The following NPEPL1 variants were observed in gnomAD, a reference collection of about 807,000 sequenced individuals.
The protein encoded by NPEPL1 is probable aminopeptidase NPEPL1.
In NPEPL1, 45 loss-of-function variants were observed where a neutral mutation model predicts 52.4. That is an observed-to-expected ratio of 0.86 (90% confidence interval 0.68 to 1.10). NPEPL1 has a LOEUF of 1.10. NPEPL1 is among the 50% of genes least tolerant of loss of function. NPEPL1 has a pLI of 0.00. For synonymous variants in NPEPL1, 360 were observed against 314.7 expected (o/e 1.14, Z -1.52); for missense variants, 696 against 710.9 (o/e 0.98, Z 0.24).
At chr20:58,712,428 TC>T in intron 7 of NPEPL1, 50 bp from the exon 8 acceptor site, 2 of 1,244,770 alleles carry the variant, frequency 1.6e-6, no homozygotes, top group Admixed American at 1.7e-5. Flanking sequence ...TCCTCCCCCC[TC>T]CCCAAACCTA....
intron 7 of NPEPL1, among the ~76,000 whole-genome samples, chr20:58,711,903 C>A (rs2084852915): frequency 6.6e-6 from 1 of 152,236 alleles, no homozygotes; most frequent in Non-Finnish European, 1.5e-5. Context: ...GGACAGGGGT[C>A]TGGGAGCTCT....
At chr20:58,708,926 C>T (rs541304914) in intron 7 of NPEPL1, among the ~76,000 whole-genome samples, 198 of 151,880 alleles carry the variant, frequency 1.3e-3, no homozygotes, top group African/African-American at 4.5e-3. Context: ...CCGTCTTTGC[C>T]GTTCACCCCT....
chr20:58,712,609 C>T (rs773506737), intron 8 of NPEPL1, 30 bp downstream of exon 8: 87 of 1,501,148 alleles, frequency 5.8e-5, no homozygotes, highest in Non-Finnish European at 7.1e-5. Flanking sequence ...TCCTTCCTGC[C>T]CACTGTTGGA....
At chr20:58,693,622 C>A in intron 1 of NPEPL1, 115 bp from the exon 2 acceptor site, 1 of 877,050 alleles carries the variant, frequency 1.1e-6, no homozygotes, top group Non-Finnish European at 1.8e-6. Context: ...CCGGGAGCTG[C>A]GCAGTGCCCT....
intron 10 of NPEPL1, 105 bp downstream of exon 10, chr20:58,714,198 G>A: frequency 7.6e-7 from 1 of 1,324,356 alleles, no homozygotes; most frequent in Non-Finnish European, 1.0e-6. Flanking sequence ...GGGCCCCCCA[G>A]AAGCAGCCAC....
intron 10 of NPEPL1, 107 bp from the exon 11 acceptor site, chr20:58,714,453 G>C: frequency 1.3e-6 from 1 of 798,112 alleles, no homozygotes; most frequent in South Asian, 1.8e-5. Flanking sequence ...CTCCCTCCCA[G>C]CCACCCCGAG....
chr20:58,709,610 C>A (rs941346462), intron 7 of NPEPL1, among the ~76,000 whole-genome samples: 1 of 152,214 alleles, frequency 6.6e-6, no homozygotes, highest in South Asian at 2.1e-4. Context: ...GTGACACTCA[C>A]AACCCAGCCT....
At position 58,713,600 on chromosome 20, in the gene NPEPL1, C is replaced by T. The variant is rs2084899497; in HGVS notation, c.1125+57C>T. ...TAGTCCCAGGGAACCCCACCCCACT[C>T]TTGACCTCAAGGTGGGGAAGGCAGC... On this transcript the variant is annotated intron_variant, in intron 9 of 11. Coordinates refer to ENST00000356091, the MANE Select transcript of NPEPL1 (RefSeq NM_024663.4). This position sits in a 1 kb window ranked among gnomAD's most constrained non-coding sequence, Gnocchi z 4.6. 1 of 1,508,906 alleles carries T rather than the reference C, an allele frequency of 6.6e-7. No individual in the cohort carries two copies. Among genetic ancestry groups the T allele is most frequent in the Non-Finnish European group, 8.9e-7 (1 of 1,123,862 alleles). The allele number at this position is 1,508,906 out of a possible 1,614,324, so 93.5% of individuals were successfully genotyped here.
At chr20:58,709,627 G>A (rs897206243) in intron 7 of NPEPL1, among the ~76,000 whole-genome samples, 1 of 152,212 alleles carries the variant, frequency 6.6e-6, no homozygotes, top group Admixed American at 6.5e-5. Context: ...GCCTAACCAG[G>A]TGTCCCAGGG....
At chr20:58,693,585 A>G (rs1407055847) in intron 1 of NPEPL1, 152 bp from the exon 2 acceptor site, 1 of 637,090 alleles carries the variant, frequency 1.6e-6, no homozygotes, top group Non-Finnish European at 2.7e-6. Flanking sequence ...GAGGCGACAC[A>G]TCTCCCTAAG....
At chr20:58,696,165 C>T (rs1036771507) in intron 3 of NPEPL1, among the ~76,000 whole-genome samples, 1 of 152,238 alleles carries the variant, frequency 6.6e-6, no homozygotes, top group Non-Finnish European at 1.5e-5. Flanking sequence ...GGCACCCTGA[C>T]CTCTGCTGCC....
intron 6 of NPEPL1, among the ~76,000 whole-genome samples, chr20:58,703,026 C>T (rs199847185): frequency 5.9e-5 from 9 of 152,266 alleles, no homozygotes; most frequent in East Asian, 1.9e-4. Flanking sequence ...TTGACCATCC[C>T]GCACTCTCGT....
Position 58,715,367 on chromosome 20 carries a change from C to T in NPEPL1, c.*41C>T. The stretch of plus-strand genomic sequence containing the variant: ...CCTGACAAACGGGGATCTTTTACCT[C>T]ACTTTGCACTGATTAATTTTAAGCA... On this transcript the variant is annotated 3_prime_UTR_variant, in exon 12 of 12. Coordinates refer to ENST00000356091, the MANE Select transcript of NPEPL1 (RefSeq NM_024663.4). 1 of 1,525,152 alleles carries T rather than the reference C, an allele frequency of 6.6e-7. No homozygotes were observed. Among genetic ancestry groups the T allele is most frequent in the Non-Finnish European group, 8.8e-7 (1 of 1,135,234 alleles). The allele number at this position is 1,525,152 out of a possible 1,614,324, so 94.5% of individuals were successfully genotyped here.
At chr20:58,699,328 G>GGGCA in intron 5 of NPEPL1, 50 bp downstream of exon 5, 1 of 1,443,890 alleles carries the variant, frequency 6.9e-7, no homozygotes, top group Non-Finnish European at 9.4e-7. Context: ...CAGTGGCCAG[G>GGGCA]GGCACTTGGG....
At position 58,714,016 on chromosome 20, in the gene NPEPL1, C is replaced by T. The variant is rs751959117; in HGVS notation, c.1225C>T (p.His409Tyr). ...GGGCAGGAAGTGTGGGGACCTGGTGCACCCGCTGGTCTACTGCCCCGAGCT... is the reference window on the plus strand; with the variant it reads ...GGGCAGGAAGTGTGGGGACCTGGTGTACCCGCTGGTCTACTGCCCCGAGCT... ...KAGRKCGDLV[H>Y]PLVYCPELHF... The change falls in exon 10 of 12, where the codon CAC becomes TAC. Residue 409 changes from histidine (H) to tyrosine (Y), a missense_variant. Physicochemically the swap from His to Tyr is moderately conservative, Grantham distance 83. Coordinates refer to ENST00000356091, the MANE Select transcript of NPEPL1 (RefSeq NM_024663.4). The T allele has an allele frequency of 1.8e-5, 28 of 1,528,492 alleles. No individual in the cohort carries two copies. The South Asian group carries it at 3.2e-4, about 18-fold the overall frequency. The allele number at this position is 1,528,492 out of a possible 1,614,324, so 94.7% of individuals were successfully genotyped here. A position where few individuals can be genotyped will look rare whatever the true frequency, so the allele number is the denominator to read the frequency against.
At chr20:58,698,461 G>A (rs2084536619) in intron 3 of NPEPL1, among the ~76,000 whole-genome samples, 2 of 152,122 alleles carry the variant, frequency 1.3e-5, no homozygotes. Context: ...GGCGCAGGGT[G>A]GTGGCTGTGC....
chr20:58,695,079 GGTGTACGTGTGGTATGTGTTGCTGTGTGT>G (rs1568847664), intron 3 of NPEPL1, among the ~76,000 whole-genome samples: 198 of 79,920 alleles, frequency 2.5e-3, no homozygotes, highest in Middle Eastern at 7.1e-3. Flanking sequence ...TGGTGTGTGT[GGTGTACGTGTGGTATGTGTTGCTGTGTGT>G]GTGTGTTTGC....
At chr20:58,694,282 G>A in intron 2 of NPEPL1, 140 bp from the exon 3 acceptor site, 2 of 811,744 alleles carry the variant, frequency 2.5e-6, no homozygotes, top group Non-Finnish European at 3.8e-6. Context: ...TGAGGGATGG[G>A]GTGGCGGCTG....
intron 7 of NPEPL1, among the ~76,000 whole-genome samples, chr20:58,711,946 C>T (rs562078659): frequency 1.8e-5 from 2 of 111,072 alleles, no homozygotes; most frequent in Admixed American, 1.0e-4. Context: ...GGGTGTGGCC[C>T]GCTTCGGGGT....
Sources: allele counts gnomAD v4.1 joint callset (sites outside exome capture counted in the v4.1 genomes callset), GRCh38; gene constraint gnomAD v4.1.1; non-coding constraint Gnocchi (gnomAD v3.1); transcripts MANE v1.5; gene names NCBI Gene and HGNC (gene_info 2026-07-23, HGNC 2026-07-21).